The following C1orf21 variants were observed in gnomAD, a reference collection of about 807,000 sequenced individuals.
C1orf21 encodes the protein uncharacterized protein C1orf21.
In C1orf21, 3 loss-of-function variants were observed where a neutral mutation model predicts 18.7. The ratio of observed to expected loss-of-function variants is 0.16; its 90% CI spans 0.07 to 0.42. C1orf21 has a LOEUF of 0.42. C1orf21 is among the 10% of genes least tolerant of loss of function. The pLI is 0.99. For synonymous variants in C1orf21, 41 were observed against 46.4 expected, an observed-to-expected ratio of 0.88 and a Z score of 0.47; for missense variants, 104 against 143.6, an observed-to-expected ratio of 0.72 and a Z score of 1.41.
chr1:184,601,491 C>T (rs887725408), intron 5 of C1orf21, among the ~76,000 whole-genome samples: 1 of 152,294 alleles, frequency 6.6e-6, no homozygotes, highest in South Asian at 2.1e-4. Flanking sequence ...TTGGACTACT[C>T]TAATTCAGAG....
At chr1:184,616,487 G>A (rs1452406006) in intron 5 of C1orf21, among the ~76,000 whole-genome samples, 1 of 152,212 alleles carries the variant, frequency 6.6e-6, no homozygotes, top group African/African-American at 2.4e-5. Context: ...CCAATGCTTG[G>A]GAAATGAAAG....
chr1:184,524,105 A>G (rs1490273600), intron 3 of C1orf21, among the ~76,000 whole-genome samples: 1 of 152,184 alleles, frequency 6.6e-6, no homozygotes, highest in African/African-American at 2.4e-5. Flanking sequence ...TTTGATTACT[A>G]TAGTAATGAG....
chr1:184,579,412 C>T lies in C1orf21; in HGVS notation c.190-11327C>T, dbSNP rs557606028. 1.3e-4 allele frequency among the ~76,000 whole-genome samples: 13 copies of T among 101,452 alleles called. No individual in the cohort carries two copies. The South Asian group carries it at 3.4e-3, about 26-fold the overall frequency. 66.6% of individuals were successfully genotyped at this position (101,452 alleles called of 152,430 possible). A position where few individuals can be genotyped will look rare whatever the true frequency, so the allele number is the denominator to read the frequency against. On this transcript the variant is annotated intron_variant, in intron 3 of 5. Transcript: ENST00000235307. ...TTTTTTTTTTTTTTTTTTTTTGAGA[C>T]GAGGTCTCACCATGTTGCCCAGTCT...
chr1:184,430,262 T>G (rs372757076), intron 1 of C1orf21, among the ~76,000 whole-genome samples: 2 of 152,128 alleles, frequency 1.3e-5, no homozygotes, highest in East Asian at 1.9e-4. Context: ...GTAATAATAC[T>G]GCACAAAAGT....
chr1:184,445,119 T>C (rs1167143322), intron 1 of C1orf21, among the ~76,000 whole-genome samples: 3 of 152,170 alleles, frequency 2.0e-5, no homozygotes, highest in Non-Finnish European at 4.4e-5. Context: ...TAAAGCTTCA[T>C]GAAAAACTTA....
intron 3 of C1orf21, among the ~76,000 whole-genome samples, chr1:184,579,204 A>AT (rs71101937): frequency 0.013 from 1,765 of 136,760 alleles, 21 homozygotes; most frequent in African/African-American, 0.031. Flanking sequence ...TGCCTGGCTA[A>AT]TTTTTTTTTT....
chr1:184,528,174 GTTAAACTTC>G (rs1159992258), intron 3 of C1orf21, among the ~76,000 whole-genome samples: 5 of 152,126 alleles, frequency 3.3e-5, no homozygotes, highest in African/African-American at 9.7e-5. Flanking sequence ...ATTCAGATAA[GTTAAACTTC>G]TTTTCTAAAG....
At chr1:184,394,923 C>T (rs960343641) in intron 1 of C1orf21, among the ~76,000 whole-genome samples, 6 of 152,130 alleles carry the variant, frequency 3.9e-5, no homozygotes, top group African/African-American at 1.4e-4. Context: ...GAATCCATGA[C>T]AGTCTAGATG....
chr1:184,401,522 C>T (rs1656151451), intron 1 of C1orf21, among the ~76,000 whole-genome samples: 1 of 152,150 alleles, frequency 6.6e-6, no homozygotes, highest in Admixed American at 6.5e-5. Flanking sequence ...CCACGGCGCC[C>T]AGCCCCCTTT....
intron 4 of C1orf21, 77 bp from the exon 5 acceptor site, chr1:184,598,324 A>G (rs1035938171): frequency 3.0e-6 from 4 of 1,341,600 alleles, no homozygotes; most frequent in Non-Finnish European, 4.1e-6. Flanking sequence ...AAGTTTGGGG[A>G]CTCTGCATTT....
intron 1 of C1orf21, among the ~76,000 whole-genome samples, chr1:184,464,377 A>C (rs10399840): frequency 0.16 from 24,213 of 152,180 alleles, 2,171 homozygotes; most frequent in African/African-American, 0.21. Flanking sequence ...CTTTTTGGGA[A>C]GAACAGCTTA....
intron 3 of C1orf21, among the ~76,000 whole-genome samples, chr1:184,577,186 G>A (rs1007051251): frequency 6.6e-6 from 1 of 150,672 alleles, no homozygotes; most frequent in Admixed American, 6.7e-5. Flanking sequence ...AGTGGACACA[G>A]TATAATCACA....
chr1:184,404,416 C>T (rs1238104397), intron 1 of C1orf21, among the ~76,000 whole-genome samples: 2 of 152,062 alleles, frequency 1.3e-5, no homozygotes, highest in Admixed American at 1.3e-4. Flanking sequence ...GGTTTGGTGT[C>T]TCATGAGGGC....
chr1:184,508,984 T>C (rs1218899013), intron 3 of C1orf21, among the ~76,000 whole-genome samples: 1 of 152,216 alleles, frequency 6.6e-6, no homozygotes, highest in Non-Finnish European at 1.5e-5. Context: ...ATTTTTCTAC[T>C]TTATTTTACT....
At chr1:184,550,526 CTTTGTTTG>C (rs541679341) in intron 3 of C1orf21, among the ~76,000 whole-genome samples, 7 of 152,018 alleles carry the variant, frequency 4.6e-5, no homozygotes, top group African/African-American at 1.7e-4. Flanking sequence ...TTGTTTGTTT[CTTTGTTTG>C]TTTGTTTGTT....
chr1:184,610,575 G>A (rs987616639), intron 5 of C1orf21, among the ~76,000 whole-genome samples: 5 of 152,130 alleles, frequency 3.3e-5, no homozygotes, highest in Non-Finnish European at 7.3e-5. Flanking sequence ...GGCCAGGCGC[G>A]GTGGCTCACG....
chr1:184,421,363 T>C (rs528161645), intron 1 of C1orf21, among the ~76,000 whole-genome samples: 25 of 152,292 alleles, frequency 1.6e-4, no homozygotes, highest in African/African-American at 6.0e-4. Flanking sequence ...ACTTGGGCCT[T>C]CCAAAGTGCT....
intron 3 of C1orf21, among the ~76,000 whole-genome samples, chr1:184,514,951 A>C (rs1297930756): frequency 6.6e-6 from 1 of 152,186 alleles, no homozygotes; most frequent in African/African-American, 2.4e-5. Context: ...TAGATTAAAA[A>C]CTGGGTGGAT....
intron 5 of C1orf21, among the ~76,000 whole-genome samples, chr1:184,615,890 G>T (rs551083694): frequency 6.6e-5 from 10 of 152,178 alleles, no homozygotes; most frequent in African/African-American, 2.4e-4. Flanking sequence ...GTCAAATCAG[G>T]GTACTTAGTA....
Sources: gnomAD v4.1 joint callset for allele counts (sites outside exome capture counted in the v4.1 genomes callset) on GRCh38, gnomAD v4.1.1 for gene constraint, MANE v1.5 for transcripts, NCBI Gene and HGNC (gene_info 2026-07-23, HGNC 2026-07-21) for gene names.